The following CCDC68 variants were observed in gnomAD, a reference collection of about 807,000 sequenced individuals.
CCDC68 encodes the protein coiled-coil domain containing 68.
A neutral mutation model predicts 47.1 loss-of-function variants in CCDC68; 45 were observed. That is an observed-to-expected ratio of 0.96 (90% CI 0.75 to 1.23). The LOEUF is 1.23. Among genes scored for constraint, CCDC68 ranks in the 50% most tolerant of loss-of-function variants. The pLI is 0.00. For synonymous variants in CCDC68, 131 were observed against 129.5 expected (o/e 1.01, Z -0.08); for missense variants, 353 against 373.6 (o/e 0.94, Z 0.45).
chr18:54,935,126 T>C (rs1322996797), intron 6 of CCDC68, among the ~76,000 whole-genome samples, 178 bp from the exon 7 acceptor site: 1 of 152,202 alleles, frequency 6.6e-6, no homozygotes, highest in Non-Finnish European at 1.5e-5. Context: ...TACAACAACA[T>C]TAAATAGAGA....
rs141310975 is a variant in CCDC68, at chr18:54,938,079, G to C, written c.223C>G (p.Gln75Glu). Residue 75 changes from glutamine to glutamate, a missense_variant, in exon 5 of 12, where the codon CAG (glutamine) becomes GAG (glutamate). Gln to Glu is a conservative substitution (Grantham distance 29). Transcript: ENST00000591504. ...GGATCCATTTCAGAATCAGAGCCCT[G>C]TTGAAGGTTTCCACAGTGCTGAAAC... ...LDAKHCGNLQ[Q>E]GSDSEMDPSC... is the part of the protein sequence containing the mutation. 4 of 1,613,474 alleles carry C rather than the reference G, an allele frequency of 2.5e-6. No individual in the cohort carries two copies. The highest frequency in any genetic ancestry group is 1.7e-4 in the Middle Eastern group (1 of 6,058).
intron 7 of CCDC68, among the ~76,000 whole-genome samples, chr18:54,933,651 C>A (rs9956812): frequency 0.38 from 58,167 of 152,036 alleles, 11,341 homozygotes; most frequent in East Asian, 0.59. Context: ...GTTTTTCCAA[C>A]ACAGCATAAT....
At chr18:54,921,114 C>T (rs1169992644) in intron 8 of CCDC68, among the ~76,000 whole-genome samples, 2 of 152,230 alleles carry the variant, frequency 1.3e-5, no homozygotes, top group African/African-American at 2.4e-5. Context: ...AAATACTGCA[C>T]AATTCCACTT....
At position 54,938,764 on chromosome 18, in the gene CCDC68, G is replaced by A. The variant is rs541892463; in HGVS notation, c.205-667C>T. Among the ~76,000 whole-genome samples, 39 of 152,346 alleles carry A rather than the reference G, an allele frequency of 2.6e-4. No individual in the cohort carries two copies. In the South Asian group the frequency reaches 8.1e-3, roughly 32 times the overall value. Reference sequence around the variant, plus strand: ...GCAGCAAGTGAGCGGGAGACCTCATGGCACTGCCTCTTGAATAGTTATTGT... The same window carrying A: ...GCAGCAAGTGAGCGGGAGACCTCATAGCACTGCCTCTTGAATAGTTATTGT... On this transcript the variant is annotated intron_variant, in intron 4 of 11. Transcript: ENST00000591504.
At chr18:54,949,701 C>G (rs1193629431) in intron 1 of CCDC68, among the ~76,000 whole-genome samples, 2 of 152,176 alleles carry the variant, frequency 1.3e-5, no homozygotes, top group African/African-American at 4.8e-5. Flanking sequence ...CTGTATGAGT[C>G]TTGCAGGAAA....
intron 1 of CCDC68, among the ~76,000 whole-genome samples, chr18:54,955,156 GA>G (rs1210794439): frequency 3.1e-4 from 47 of 150,548 alleles, no homozygotes; most frequent in African/African-American, 8.0e-4. Flanking sequence ...CCCCATCTAT[GA>G]AAAAAAAAAT....
At chr18:54,909,956 T>C (rs1202100749) in intron 10 of CCDC68, among the ~76,000 whole-genome samples, 1 of 152,244 alleles carries the variant, frequency 6.6e-6, no homozygotes, top group Non-Finnish European at 1.5e-5. Context: ...TCAGCCCTGT[T>C]TGTGTTACAG....
chr18:54,930,670 CCT>C, intron 7 of CCDC68, among the ~76,000 whole-genome samples: 1 of 26,732 alleles, frequency 3.7e-5, no homozygotes, highest in Non-Finnish European at 7.5e-5. Flanking sequence ...TTCCTTCCTT[CCT>C]TCCCTCCCTC....
intron 3 of CCDC68, among the ~76,000 whole-genome samples, chr18:54,941,594 T>C (rs942149406): frequency 2.6e-5 from 4 of 152,048 alleles, no homozygotes; most frequent in Admixed American, 1.3e-4. Flanking sequence ...ACCTATGGAG[T>C]TGCAAGACAC....
Position 54,942,677 on chromosome 18 carries a change from T to C in CCDC68, c.115A>G (p.Lys39Glu). ...HIIEETEYVK[K>E]IRTTLQKIRT... ...AATGATTTCTGCTACCCACATACCT[T>C]TTTCACATACTCGGTTTCTTCAATA... is the stretch of plus-strand genomic sequence containing the variant. Residue 39 changes from lysine (K) to glutamate (E), a missense_variant and splice_region_variant, in exon 3 of 12, where the codon AAG (lysine) becomes GAG (glutamate). By Grantham distance (56) the Lys-to-Glu change is moderately conservative. Coordinates refer to ENST00000591504, the MANE Select transcript of CCDC68 (RefSeq NM_025214.3). The C allele has an allele frequency of 1.9e-6, 3 of 1,559,992 alleles. No individual in the cohort carries two copies. The East Asian group carries it at 6.8e-5, about 35-fold the overall frequency.
chr18:54,954,370 T>C (rs1196490894), intron 1 of CCDC68: 4 of 152,008 alleles, frequency 2.6e-5, no homozygotes. Flanking sequence ...ACCCTACTTT[T>C]TATCAACACC....
chr18:54,958,561 A>C (rs2044750916), intron 1 of CCDC68, among the ~76,000 whole-genome samples: 1 of 152,198 alleles, frequency 6.6e-6, no homozygotes, highest in South Asian at 2.1e-4. Context: ...TCAGAATATA[A>C]TGGGGAGCAG....
chr18:54,909,699 C>T (rs142068304), intron 10 of CCDC68, among the ~76,000 whole-genome samples: 11 of 152,210 alleles, frequency 7.2e-5, no homozygotes, highest in African/African-American at 2.4e-4. Context: ...GGGCACACAG[C>T]GCCGGGTACT....
chr18:54,922,419 G>C (rs533126713), intron 8 of CCDC68, among the ~76,000 whole-genome samples: 1 of 152,162 alleles, frequency 6.6e-6, no homozygotes, highest in African/African-American at 2.4e-5. Flanking sequence ...GGGAGTGTGC[G>C]AGAGGCAGGA....
intron 2 of CCDC68, 87 bp from the exon 3 acceptor site, chr18:54,942,890 T>C (rs762781822): frequency 5.3e-6 from 4 of 751,048 alleles, no homozygotes; most frequent in Non-Finnish European, 9.3e-6. Context: ...AGTTGTTTTA[T>C]CACTATAGTC....
chr18:54,954,326 G>C (rs1469971833), intron 1 of CCDC68: 1 of 152,070 alleles, frequency 6.6e-6, no homozygotes, highest in African/African-American at 2.4e-5. Context: ...CAAAGTGCTG[G>C]GATTACAGGT....
chr18:54,906,636 C>A (rs1175157488), intron 11 of CCDC68, among the ~76,000 whole-genome samples: 3 of 152,164 alleles, frequency 2.0e-5, no homozygotes, highest in Non-Finnish European at 4.4e-5. Flanking sequence ...TCCTTCCTTC[C>A]CTTAGAATGT....
At chr18:54,920,938 A>C (rs1464231663) in intron 8 of CCDC68, among the ~76,000 whole-genome samples, 3 of 152,252 alleles carry the variant, frequency 2.0e-5, no homozygotes, top group African/African-American at 7.2e-5. Context: ...AGACATAGAA[A>C]CAACCTAGGT....
chr18:54,941,022 C>T lies in CCDC68; in HGVS notation c.179G>A (p.Ser60Asn). Residue 60 changes from serine to asparagine, a missense_variant, in exon 4 of 12, where the codon AGT becomes AAT. Physicochemically the swap from Ser to Asn is conservative, Grantham distance 46 (BLOSUM62 1). Coordinates refer to ENST00000591504, the MANE Select transcript of CCDC68 (RefSeq NM_025214.3). Reference protein sequence around the residue: ...QMFKDEIRHDSTNHKLDAKHC... With the variant: ...QMFKDEIRHDNTNHKLDAKHC... ...CTTTGCATCTAGTTTGTGATTTGTA[C>T]TGTCATGTCTTATTTCATCTTTAAA... 1 of 1,610,512 alleles carries T rather than the reference C, an allele frequency of 6.2e-7. No individual in the cohort carries two copies. Among genetic ancestry groups the T allele is most frequent in the Non-Finnish European group, 8.5e-7 (1 of 1,177,044 alleles).
Sources: allele counts gnomAD v4.1 joint callset (sites outside exome capture counted in the v4.1 genomes callset), GRCh38; gene constraint gnomAD v4.1.1; transcripts MANE v1.5; gene names NCBI Gene and HGNC (gene_info 2026-07-23, HGNC 2026-07-21).